The following AGPAT1 variants were observed in gnomAD, a reference collection of about 807,000 sequenced individuals.
AGPAT1 encodes 1-acylglycerol-3-phosphate O-acyltransferase 1, also known as 1-acyl-sn-glycerol-3-phosphate acyltransferase alpha.
In AGPAT1, 6 loss-of-function variants were observed where a neutral mutation model predicts 31.2. That is an observed-to-expected ratio of 0.19 (90% CI 0.11 to 0.38). The LOEUF (loss-of-function observed/expected upper bound fraction) is 0.38, where lower values mean the gene tolerates loss of function less well. Among genes scored for constraint, AGPAT1 ranks in the 10% least tolerant of loss-of-function variants. The pLI is 1.00. For synonymous variants in AGPAT1, 139 were observed against 154.0 expected (o/e 0.90, Z 0.72); for missense variants, 187 against 377.8 (o/e 0.49, Z 4.19).
chr6:32,171,073 G>A lies in AGPAT1; in HGVS notation c.201-3C>T. ...GGAGCAGCATTAGACGCAAGATCCT[G>A]TGGGGTCATGGCAAGGGGTCCCAGT... On this transcript the variant is annotated splice_region_variant and splice_polypyrimidine_tract_variant and intron_variant, in intron 2 of 6. Coordinates refer to ENST00000375107, the MANE Select transcript of AGPAT1 (RefSeq NM_006411.4). The surrounding 1 kb of genome is among the most constrained non-coding windows in gnomAD (Gnocchi z 6.9). 1 of 1,610,226 alleles carries A rather than the reference G, an allele frequency of 6.2e-7. No homozygotes were observed. Among genetic ancestry groups the A allele is most frequent in the East Asian group, 2.2e-5 (1 of 44,768 alleles).
At chr6:32,176,420 GTTATCTGCTGCTTATTC>G, upstream of AGPAT1, 1 of 879,598 alleles carries the variant, frequency 1.1e-6, no homozygotes, top group Non-Finnish European at 1.4e-6. Flanking sequence ...CTCAACTCCG[GTTATCTGCTGCTTATTC>G]CCCCCAACTA....
rs771028516 is a variant in AGPAT1, at chr6:32,170,630, G to A, written c.335-30C>T. 10 of 1,605,670 alleles carry A rather than the reference G, an allele frequency of 6.2e-6. No homozygotes were observed. Among genetic ancestry groups the A allele is most frequent in the African/African-American group, 5.3e-5 (4 of 74,868 alleles). On this transcript the variant is annotated intron_variant, in intron 3 of 6. Transcript: ENST00000375107. This position sits in a 1 kb window ranked among gnomAD's most constrained non-coding sequence, Gnocchi z 7.7. ...GGCAGGGTGGGAGTGGGTGAGGATC[G>A]GGGTGGAGGCAGAGTGTCACAGAAG...
Position 32,169,243 on chromosome 6 carries a change from G to A in AGPAT1, c.*33C>T, listed in dbSNP as rs1364034871. On this transcript the variant is annotated 3_prime_UTR_variant, in exon 7 of 7. Coordinates refer to ENST00000375107, the MANE Select transcript of AGPAT1 (RefSeq NM_006411.4). The surrounding 1 kb of genome is among the most constrained non-coding windows in gnomAD (Gnocchi z 5.9). ...GTGGGTAGGTGTGGGGAGGAAGATG[G>A]GGACAGATGGGAGGAGAGCTCAGAG... 1.9e-6 allele frequency: 3 copies of A among 1,605,172 alleles called. No homozygotes were observed. Among genetic ancestry groups the A allele is most frequent in the Admixed American group, 3.3e-5 (2 of 59,748 alleles).
At position 32,176,016 on chromosome 6, in the gene AGPAT1, T is replaced by G. The variant is rs1427140631; in HGVS notation, c.-212A>C. 1.0e-6 allele frequency: 1 copy of G among 984,752 alleles called. No individual in the cohort carries two copies. Among genetic ancestry groups the G allele is most frequent in the Non-Finnish European group, 1.2e-6 (1 of 829,644 alleles). 61.0% of individuals were successfully genotyped at this position (984,752 alleles called of 1,614,324 possible). ...CATAGCGGTAGGAATGGTGGGGGGC[T>G]GTCCCCCCAGCACCCTCCCTCCCTC... On this transcript the variant is annotated 5_prime_UTR_variant, in exon 1 of 7. Coordinates refer to ENST00000375107, the MANE Select transcript of AGPAT1 (RefSeq NM_006411.4).
Position 32,169,525 on chromosome 6 carries a change from A to G in AGPAT1, c.680-77T>C, listed in dbSNP as rs2127411130. On this transcript the variant is annotated intron_variant, in intron 6 of 6. Transcript: ENST00000375107. This position sits in a 1 kb window ranked among gnomAD's most constrained non-coding sequence, Gnocchi z 5.9. ...AGGTGGGGCCCAGCTTCCGAGTGAT[A>G]CTCTTCCTCAACCTTTCAGTTCTCT... The G allele has an allele frequency of 6.5e-7, 1 of 1,534,054 alleles. No homozygotes were observed. The highest frequency in any genetic ancestry group is 8.9e-7 in the Non-Finnish European group (1 of 1,126,394).
At position 32,168,255 on chromosome 6, in the gene AGPAT1, T is replaced by C. The variant is rs1168301392; in HGVS notation, c.*1021A>G. The stretch of plus-strand genomic sequence containing the variant: ...TTCAGTTTTTTTGCTGTTATCCAGA[T>C]AATTAATAAAAACCAACCACGCAAA... On this transcript the variant is annotated 3_prime_UTR_variant, in exon 7 of 7. Transcript: ENST00000375107. This position sits in a 1 kb window ranked among gnomAD's most constrained non-coding sequence, Gnocchi z 4.5. 4.8e-6 allele frequency: 2 copies of C among 413,674 alleles called. No homozygotes were observed. Among genetic ancestry groups the C allele is most frequent in the Admixed American group, 7.7e-5 (2 of 25,816 alleles). 25.6% of individuals were successfully genotyped at this position (413,674 alleles called of 1,614,324 possible). A position where few individuals can be genotyped will look rare whatever the true frequency, so the allele number is the denominator to read the frequency against.
chr6:32,169,506 G>C lies in AGPAT1; in HGVS notation c.680-58C>G, dbSNP rs1375100590. 6.3e-7 allele frequency: 1 copy of C among 1,586,792 alleles called. No homozygotes were observed. The highest frequency in any genetic ancestry group is 8.6e-7 in the Non-Finnish European group (1 of 1,162,578). ...CACCCAGGTCTTTGCCCACAGGTGG[G>C]GCCCAGCTTCCGAGTGATACTCTTC... On this transcript the variant is annotated intron_variant, in intron 6 of 6. Transcript: ENST00000375107. The surrounding 1 kb of genome is among the most constrained non-coding windows in gnomAD (Gnocchi z 5.9).
rs1359425602 is a variant in AGPAT1, at chr6:32,171,708, C to G, written c.-9-203G>C. 1 of 638,368 alleles carries G rather than the reference C, an allele frequency of 1.6e-6. No homozygotes were observed. Among genetic ancestry groups the G allele is most frequent in the East Asian group, 2.7e-5 (1 of 36,448 alleles). 39.5% of individuals were successfully genotyped at this position (638,368 alleles called of 1,614,324 possible). A position where few individuals can be genotyped will look rare whatever the true frequency, so the allele number is the denominator to read the frequency against. ...GAAAGAGCTCAGGACTGCTCTCCCA[C>G]CACTCTTCCCAAAGGCTCCGGATAT... On this transcript the variant is annotated intron_variant, in intron 1 of 6. Coordinates refer to ENST00000375107, the MANE Select transcript of AGPAT1 (RefSeq NM_006411.4). The surrounding 1 kb of genome is among the most constrained non-coding windows in gnomAD (Gnocchi z 6.9).
chr6:32,175,799 C>T lies in AGPAT1; in HGVS notation c.-10+15G>A, dbSNP rs1785489264. The T allele has an allele frequency of 1.0e-6, 1 of 984,022 alleles. No homozygotes were observed. Among genetic ancestry groups the T allele is most frequent in the Non-Finnish European group, 1.2e-6 (1 of 828,608 alleles). 61.0% of individuals were successfully genotyped at this position (984,022 alleles called of 1,614,324 possible). ...ACCCTCTTCCCTCCTCCTCCCATCC[C>T]TTTCCCGCCCACACCTCAGAGGGGT... is the stretch of plus-strand genomic sequence containing the variant. On this transcript the variant is annotated intron_variant, in intron 1 of 6. Coordinates refer to ENST00000375107, the MANE Select transcript of AGPAT1 (RefSeq NM_006411.4). This position sits in a 1 kb window ranked among gnomAD's most constrained non-coding sequence, Gnocchi z 4.5.
At chr6:32,176,215 T>C (rs571479116), upstream of AGPAT1, 374 of 920,066 alleles carry the variant, frequency 4.1e-4, no homozygotes, top group Non-Finnish European at 4.5e-4. Flanking sequence ...CATCTACCAG[T>C]GTCCTCTTGC....
rs1305563007 is a variant in AGPAT1, at chr6:32,175,944, T to C, written c.-140A>G. ...AAGGGGGCGACGGGATTTGGGGGTG[T>C]CCTAGCCCCGGCCGATGGAGGGGAG... is the stretch of plus-strand genomic sequence containing the variant. On this transcript the variant is annotated 5_prime_UTR_variant, in exon 1 of 7. Coordinates refer to ENST00000375107, the MANE Select transcript of AGPAT1 (RefSeq NM_006411.4). This position sits in a 1 kb window ranked among gnomAD's most constrained non-coding sequence, Gnocchi z 4.5. The C allele has an allele frequency of 4.1e-6, 4 of 985,410 alleles. No individual in the cohort carries two copies. The highest frequency in any genetic ancestry group is 2.4e-6 in the Non-Finnish European group (2 of 830,038). The allele number at this position is 985,410 out of a possible 1,614,324, so 61.0% of individuals were successfully genotyped here.
chr6:32,176,890 C>T (rs1785605741), upstream of AGPAT1: 1 of 397,350 alleles, frequency 2.5e-6, no homozygotes, highest in South Asian at 1.4e-4. Flanking sequence ...GGAAGAATGC[C>T]GATTCCTCTG....
upstream of AGPAT1, chr6:32,176,930 C>A (rs1431948288): frequency 2.5e-6 from 1 of 398,120 alleles, no homozygotes; most frequent in Non-Finnish European, 4.4e-6. Context: ...ATTTGGTAGC[C>A]ATGTATCTAG....
rs1784992513 is a variant in AGPAT1 at position 32,170,502 on chromosome 6, T to A, written c.433A>T (p.Ile145Phe). 1 of 1,612,940 alleles carries A rather than the reference T, an allele frequency of 6.2e-7. No individual in the cohort carries two copies. Among genetic ancestry groups the A allele is most frequent in the African/African-American group, 1.3e-5 (1 of 74,926 alleles). Residue 145 changes from isoleucine to phenylalanine, a missense_variant, in exon 4 of 7, where the codon ATC (isoleucine) becomes TTC (phenylalanine). Physicochemically the swap from Ile to Phe is conservative, Grantham distance 21. Around this residue, in one of 3 missense-constraint regions of AGPAT1, gnomAD observed 113 missense variants for 283.1 expected, o/e 0.40. Transcript: ENST00000375107. This position sits in a 1 kb window ranked among gnomAD's most constrained non-coding sequence, Gnocchi z 7.7. ...CCCGTGCGCTTCCGGTCGATGAAGATGACTCCTGCCAGCCAGCAGGCCAGC... is the reference window on the plus strand; with the variant it reads ...CCCGTGCGCTTCCGGTCGATGAAGAAGACTCCTGCCAGCCAGCAGGCCAGC... ...AGLACWLAGV[I>F]FIDRKRTGDA...
chr6:32,171,455 G>A lies in AGPAT1; in HGVS notation c.42C>T (p.Leu14=), dbSNP rs966529131. 1.9e-6 allele frequency: 3 copies of A among 1,611,142 alleles called. No homozygotes were observed. Among genetic ancestry groups the A allele is most frequent in the Non-Finnish European group, 2.5e-6 (3 of 1,179,318 alleles). Reference sequence around the variant, plus strand: ...GCAGCAGGAAGAGCAGCAGCAGGAAGAGCAGCAGCAGCAGCATCCATGCCC... The same window carrying A: ...GCAGCAGGAAGAGCAGCAGCAGGAAAAGCAGCAGCAGCAGCATCCATGCCC... ...WPGAWMLLLL[L]FLLLLFLLPT... Residue 14 remains leucine (L), a synonymous_variant, in exon 2 of 7, where the codon CTC becomes CTT. Coordinates refer to ENST00000375107, the MANE Select transcript of AGPAT1 (RefSeq NM_006411.4). The surrounding 1 kb of genome is among the most constrained non-coding windows in gnomAD (Gnocchi z 6.9).
chr6:32,171,575 G>C lies in AGPAT1; in HGVS notation c.-9-70C>G. On this transcript the variant is annotated intron_variant, in intron 1 of 6. Transcript: ENST00000375107. This position sits in a 1 kb window ranked among gnomAD's most constrained non-coding sequence, Gnocchi z 6.9. ...AGAGTGGGGTAGGCAAGGCACAGAA[G>C]GCAGGGCTGGGGGCTGGTGCTATGA... 6.6e-7 allele frequency: 1 copy of C among 1,525,590 alleles called. No homozygotes were observed. The highest frequency in any genetic ancestry group is 1.2e-5 in the South Asian group (1 of 83,270). 94.5% of individuals were successfully genotyped at this position (1,525,590 alleles called of 1,614,324 possible).
In AGPAT1 at chr6:32,169,900, C is replaced by T; in HGVS notation, c.679+66G>A. 2 of 1,391,530 alleles carry T rather than the reference C, an allele frequency of 1.4e-6. No individual in the cohort carries two copies. Among genetic ancestry groups the T allele is most frequent in the Middle Eastern group, 2.4e-4 (1 of 4,162 alleles). The allele number at this position is 1,391,530 out of a possible 1,614,324, so 86.2% of individuals were successfully genotyped here. On this transcript the variant is annotated intron_variant, in intron 6 of 6. Coordinates refer to ENST00000375107, the MANE Select transcript of AGPAT1 (RefSeq NM_006411.4). This position sits in a 1 kb window ranked among gnomAD's most constrained non-coding sequence, Gnocchi z 5.9. ...GCTCTGACACTGAATGATCCCCCTG[C>T]CTCACAGGGATGTCCTCCCAGCCTC... is the stretch of plus-strand genomic sequence containing the variant.
At chr6:32,176,697 CCCTGACCCTTT>C, upstream of AGPAT1, 1 of 227,568 alleles carries the variant, frequency 4.4e-6, no homozygotes, top group Non-Finnish European at 8.4e-6. Flanking sequence ...TTGGCCTTAT[CCCTGACCCTTT>C]CCTTTTCCAT....
rs1378011216 is a variant in AGPAT1, at chr6:32,176,011, G to C, written c.-207C>G. On this transcript the variant is annotated 5_prime_UTR_variant, in exon 1 of 7. Transcript: ENST00000375107. ...GGGCCCATAGCGGTAGGAATGGTGG[G>C]GGGCTGTCCCCCCAGCACCCTCCCT... is the stretch of plus-strand genomic sequence containing the variant. The C allele has an allele frequency of 1.0e-6, 1 of 985,228 alleles. No individual in the cohort carries two copies. Among genetic ancestry groups the C allele is most frequent in the Non-Finnish European group, 1.2e-6 (1 of 829,998 alleles). The allele number at this position is 985,228 out of a possible 1,614,324, so 61.0% of individuals were successfully genotyped here. A position where few individuals can be genotyped will look rare whatever the true frequency, so the allele number is the denominator to read the frequency against.
Sources: gnomAD v4.1 joint callset for allele counts on GRCh38, gnomAD v4.1.1 for gene constraint, gnomAD v4.1.1 regional missense constraint, Gnocchi (gnomAD v3.1) non-coding constraint, MANE v1.5 for transcripts, NCBI Gene and HGNC (gene_info 2026-07-23, HGNC 2026-07-21) for gene names.